CEP43: variants seen among roughly 807,000 people sequenced by gnomAD.
CEP43 encodes the protein centrosomal protein 43, also known as FGFR1 oncogene partner.
CEP43 carries 36 observed loss-of-function variants against 52.6 expected under a neutral mutation model. The observed-to-expected ratio is 0.68, with a 90% CI of 0.52 to 0.90. The LOEUF (loss-of-function observed/expected upper bound fraction) is 0.90, where lower values mean the gene tolerates loss of function less well. Among genes scored for constraint, CEP43 ranks in the 40% least tolerant of loss-of-function variants. The pLI, the probability that CEP43 is intolerant of heterozygous loss-of-function variation, is 0.00. For synonymous variants in CEP43, 192 were observed against 172.4 expected (o/e 1.11, Z -0.89); for missense variants, 506 against 472.8 (o/e 1.07, Z -0.65).
chr6:167,002,044 T>C (rs147799350), intron 2 of CEP43, among the ~76,000 whole-genome samples: 159 of 152,316 alleles, frequency 1.0e-3, no homozygotes, highest in Non-Finnish European at 1.9e-3. Flanking sequence ...TGAGGTAAAA[T>C]TGACCTATAG....
chr6:167,003,729 T>C lies in CEP43; in HGVS notation c.218T>C (p.Leu73Ser), dbSNP rs778941770. The change falls in exon 4 of 13, where the codon TTA becomes TCA. Residue 73 changes from leucine (L) to serine (S), a missense_variant. Coordinates refer to ENST00000366847, the MANE Select transcript of CEP43 (RefSeq NM_007045.4). The part of the protein sequence containing the change: ...KKFLNTKDGR[L>S]VASLVAEFLQ... ...TTTTTCTTGATCTTTATAGGTCGTTTAGTGGCTAGTCTTGTTGCAGAATTT... is the reference window on the plus strand; with the variant it reads ...TTTTTCTTGATCTTTATAGGTCGTTCAGTGGCTAGTCTTGTTGCAGAATTT... The C allele has an allele frequency of 1.2e-6, 2 of 1,608,392 alleles. No individual in the cohort carries two copies. Among genetic ancestry groups the C allele is most frequent in the South Asian group, 1.1e-5 (1 of 90,604 alleles).
At chr6:167,037,291 C>T (rs1306381276) in intron 12 of CEP43, among the ~76,000 whole-genome samples, 2 of 152,168 alleles carry the variant, frequency 1.3e-5, no homozygotes, top group African/African-American at 2.4e-5. Flanking sequence ...AGATTAAGAT[C>T]GTTTTCAGTC....
At chr6:167,033,853 T>C (rs1039492722) in intron 11 of CEP43, 22 bp from the exon 12 acceptor site, 11 of 1,218,748 alleles carry the variant, frequency 9.0e-6, no homozygotes, top group Non-Finnish European at 1.3e-5. Flanking sequence ...GTTCTTATTT[T>C]TTTTTCCCCT....
chr6:167,000,436 T>C (rs948533113), intron 2 of CEP43, among the ~76,000 whole-genome samples: 1 of 152,256 alleles, frequency 6.6e-6, no homozygotes, highest in African/African-American at 2.4e-5. Context: ...TAAGCTAATA[T>C]GTTATTAATC....
At chr6:167,014,357 A>G (rs162284) in intron 7 of CEP43, among the ~76,000 whole-genome samples, 1,827 of 152,324 alleles carry the variant, frequency 0.012, 41 homozygotes, top group African/African-American at 0.042. Flanking sequence ...CCAGTGCTGC[A>G]TACTACCAAG....
At chr6:167,006,131 G>A (rs1367923928) in intron 5 of CEP43, among the ~76,000 whole-genome samples, 2 of 152,238 alleles carry the variant, frequency 1.3e-5, no homozygotes, top group Non-Finnish European at 2.9e-5. Context: ...GAGGAAGCAA[G>A]ATGTGTGAAG....
At position 167,048,863 on chromosome 6, in the gene CEP43, C is replaced by T. The variant is rs1259355029; in HGVS notation, c.*8885C>T. ...GAAAGTGTGAAATAGCCTCTAAACTCATATGTGGAAAAAGAACTTGAAAAA... is the reference window on the plus strand; with the variant it reads ...GAAAGTGTGAAATAGCCTCTAAACTTATATGTGGAAAAAGAACTTGAAAAA... On this transcript the variant is annotated 3_prime_UTR_variant, in exon 13 of 13. Coordinates refer to ENST00000366847, the MANE Select transcript of CEP43 (RefSeq NM_007045.4). 5 of 152,128 alleles carry T rather than the reference C, an allele frequency of 3.3e-5. No individual in the cohort carries two copies. The highest frequency in any genetic ancestry group is 2.9e-5 in the Non-Finnish European group (2 of 68,018). 9.4% of individuals were successfully genotyped at this position (152,128 alleles called of 1,614,324 possible).
intron 1 of CEP43, 123 bp downstream of exon 1, chr6:166,999,637 G>C (rs1779678933): frequency 1.3e-5 from 8 of 637,440 alleles, no homozygotes; most frequent in Non-Finnish European, 1.7e-5. Flanking sequence ...GCGGGCACTG[G>C]GGGCGCGCCC....
Position 167,042,308 on chromosome 6 carries a change from C to G in CEP43, c.*2330C>G. On this transcript the variant is annotated 3_prime_UTR_variant, in exon 13 of 13. Transcript: ENST00000366847. ...TATTGAAATATTAACCCATTAAATACATTTTTATGGTAACCTATGTTTTAC... is the reference window on the plus strand; with the variant it reads ...TATTGAAATATTAACCCATTAAATAGATTTTTATGGTAACCTATGTTTTAC... The G allele has an allele frequency of 6.1e-6, 6 of 990,648 alleles. No individual in the cohort carries two copies. Among genetic ancestry groups the G allele is most frequent in the Non-Finnish European group, 7.3e-6 (6 of 827,420 alleles). The allele number at this position is 990,648 out of a possible 1,614,324, so 61.4% of individuals were successfully genotyped here.
At chr6:167,025,002 T>TTCAATACTCGGG in intron 9 of CEP43, 108 bp downstream of exon 9, 9 of 659,566 alleles carry the variant, frequency 1.4e-5, no homozygotes, top group Admixed American at 5.7e-5. Flanking sequence ...TAAAATAACC[T>TTCAATACTCGGG]ATCATTTTAT....
intron 9 of CEP43, chr6:167,025,197 T>A (rs1780327783): frequency 5.4e-6 from 1 of 186,698 alleles, no homozygotes. Flanking sequence ...TCATCTCTCC[T>A]TTTTTGGACA....
intron 7 of CEP43, among the ~76,000 whole-genome samples, chr6:167,020,430 T>G (rs1219093436): frequency 6.6e-6 from 1 of 152,188 alleles, no homozygotes; most frequent in Non-Finnish European, 1.5e-5. Context: ...AGTGAAACCA[T>G]CCTTCAGGAG....
intron 1 of CEP43, 177 bp downstream of exon 1, chr6:166,999,691 C>T (rs945839509): frequency 1.7e-5 from 8 of 479,060 alleles, no homozygotes; most frequent in Admixed American, 4.3e-5. Context: ...GGGGTCGGCT[C>T]GTTCGTTCGT....
At chr6:167,038,387 G>A (rs1431541780) in intron 12 of CEP43, among the ~76,000 whole-genome samples, 1 of 152,096 alleles carries the variant, frequency 6.6e-6, no homozygotes, top group Non-Finnish European at 1.5e-5. Flanking sequence ...GAAACTTAAC[G>A]TTCTATACCG....
chr6:167,001,277 T>C (rs1482078293), intron 2 of CEP43, among the ~76,000 whole-genome samples: 1 of 152,256 alleles, frequency 6.6e-6, no homozygotes, highest in Non-Finnish European at 1.5e-5. Context: ...GTGTATACTT[T>C]CAAGTCTTTA....
Position 167,033,953 on chromosome 6 carries a change from C to T in CEP43, c.1107C>T (p.Asp369=), listed in dbSNP as rs998088830. Residue 369 remains aspartate (D), a synonymous_variant, in exon 12 of 13, where the codon GAC becomes GAT. Transcript: ENST00000366847. ...IEEDLSVEID[D]INTSDKLDDL... ...AAGACCTTTCTGTGGAAATAGATGA[C>T]ATCAATACCAGTGATAAGGTATGGT... 4.5e-6 allele frequency: 7 copies of T among 1,547,414 alleles called. No individual in the cohort carries two copies. Among genetic ancestry groups the T allele is most frequent in the Non-Finnish European group, 6.2e-6 (7 of 1,126,426 alleles).
chr6:167,006,412 G>T (rs1303902039), intron 5 of CEP43, among the ~76,000 whole-genome samples: 1 of 152,142 alleles, frequency 6.6e-6, no homozygotes, highest in African/African-American at 2.4e-5. Flanking sequence ...CTACTTGGGA[G>T]GCTGAGGCAG....
At chr6:167,020,779 C>T (rs1477989664) in intron 7 of CEP43, among the ~76,000 whole-genome samples, 3 of 151,810 alleles carry the variant, frequency 2.0e-5, no homozygotes, top group Admixed American at 1.3e-4. Flanking sequence ...CGTGGTGGCA[C>T]GCGCCTGAAA....
chr6:166,999,607 C>T (rs2128655740), intron 1 of CEP43, 93 bp downstream of exon 1: 1 of 948,908 alleles, frequency 1.1e-6, no homozygotes, highest in Non-Finnish European at 1.4e-6. Context: ...GGCCGCCTCC[C>T]TGGCGAGGGA....
Sources: gnomAD v4.1 joint callset for allele counts (sites outside exome capture counted in the v4.1 genomes callset) on GRCh38, gnomAD v4.1.1 for gene constraint, MANE v1.5 for transcripts, NCBI Gene and HGNC (gene_info 2026-07-23, HGNC 2026-07-21) for gene names.